The following SPAG16 variants were observed in gnomAD, a reference collection of about 807,000 sequenced individuals.
The protein encoded by SPAG16 is sperm-associated antigen 16 protein.
A neutral mutation model predicts 80.4 loss-of-function variants in SPAG16; 86 were observed. The ratio of observed to expected loss-of-function variants is 1.07; its 90% CI spans 0.90 to 1.28. SPAG16 has a LOEUF of 1.28. Among genes scored for constraint, SPAG16 ranks in the 50% most tolerant of loss-of-function variants. The pLI is 0.00. For missense variants in SPAG16, 870 were observed against 765.3 expected (o/e 1.14, Z -1.61); for synonymous variants, 294 against 265.9 (o/e 1.11, Z -1.03).
chr2:214,083,254 A>T (rs1237713477), intron 13 of SPAG16, among the ~76,000 whole-genome samples: 2 of 152,136 alleles, frequency 1.3e-5, no homozygotes, highest in African/African-American at 4.8e-5. Flanking sequence ...CCTCTCATAG[A>T]CACATCCCCA....
chr2:213,884,724 G>A (rs776559266), intron 11 of SPAG16, among the ~76,000 whole-genome samples: 1 of 152,052 alleles, frequency 6.6e-6, no homozygotes, highest in Non-Finnish European at 1.5e-5. Context: ...TTACTGTGTT[G>A]ATTTGAAAAA....
chr2:213,307,993 G>C (rs1259518261), intron 3 of SPAG16, among the ~76,000 whole-genome samples: 1 of 152,148 alleles, frequency 6.6e-6, no homozygotes, highest in Non-Finnish European at 1.5e-5. Context: ...ACCATTAACA[G>C]CTTGGGAAAG....
At chr2:214,385,825 C>G (rs910013624) in intron 15 of SPAG16, among the ~76,000 whole-genome samples, 1 of 152,114 alleles carries the variant, frequency 6.6e-6, no homozygotes, top group Non-Finnish European at 1.5e-5. Flanking sequence ...GCCTTGGTGA[C>G]AGAGCGAGAC....
intron 9 of SPAG16, among the ~76,000 whole-genome samples, chr2:213,426,385 G>A (rs1575561076): frequency 6.6e-6 from 1 of 151,750 alleles, no homozygotes; most frequent in Non-Finnish European, 1.5e-5. Flanking sequence ...TTTTCTTCTA[G>A]TACTTTTATA....
At chr2:213,472,262 G>A (rs1243096816) in intron 9 of SPAG16, among the ~76,000 whole-genome samples, 1 of 152,052 alleles carries the variant, frequency 6.6e-6, no homozygotes, top group Non-Finnish European at 1.5e-5. Context: ...GGAGAAAAAG[G>A]CATTTGCCAA....
At chr2:214,030,275 G>A (rs78121358) in intron 13 of SPAG16, among the ~76,000 whole-genome samples, 1,597 of 152,134 alleles carry the variant, frequency 0.01, 30 homozygotes, top group African/African-American at 0.036. Context: ...ATGTCTTCCA[G>A]GTTCACCCAT....
chr2:213,607,299 A>G, intron 10 of SPAG16, among the ~76,000 whole-genome samples: 1 of 152,314 alleles, frequency 6.6e-6, no homozygotes, highest in South Asian at 2.1e-4. Flanking sequence ...CAAATCAATA[A>G]TTTTTAGAAT....
chr2:214,270,498 C>G (rs1336635266), intron 15 of SPAG16, among the ~76,000 whole-genome samples: 1 of 152,076 alleles, frequency 6.6e-6, no homozygotes, highest in African/African-American at 2.4e-5. Flanking sequence ...ACATACTGTG[C>G]TTATCAAACT....
intron 15 of SPAG16, among the ~76,000 whole-genome samples, chr2:214,389,480 T>C (rs1173380393): frequency 6.6e-6 from 1 of 152,178 alleles, no homozygotes; most frequent in Non-Finnish European, 1.5e-5. Context: ...ACCTTTCTCT[T>C]AGGTGTTCTG....
chr2:213,670,723 G>A (rs1574733714), intron 10 of SPAG16, among the ~76,000 whole-genome samples: 1 of 152,078 alleles, frequency 6.6e-6, no homozygotes, highest in Non-Finnish European at 1.5e-5. Context: ...TTCACATTAT[G>A]CATGCAAATA....
intron 6 of SPAG16, among the ~76,000 whole-genome samples, chr2:213,341,522 C>T (rs143082867): frequency 1.1e-4 from 16 of 151,726 alleles, no homozygotes; most frequent in African/African-American, 2.4e-4. Flanking sequence ...TACAGTATTT[C>T]TTTGTTTGTT....
chr2:214,005,901 G>T (rs938186189), intron 12 of SPAG16, among the ~76,000 whole-genome samples: 2 of 152,120 alleles, frequency 1.3e-5, no homozygotes, highest in East Asian at 1.9e-4. Flanking sequence ...GTTATGAATT[G>T]CAGTCTAGGG....
chr2:213,931,470 T>C (rs138732824), intron 12 of SPAG16, among the ~76,000 whole-genome samples: 1 of 152,216 alleles, frequency 6.6e-6, no homozygotes. Flanking sequence ...AATATTTTTA[T>C]AATAGATTAA....
chr2:214,246,659 C>T lies in SPAG16; in HGVS notation c.1720+97393C>T, dbSNP rs76617905. Among the ~76,000 whole-genome samples the T allele has an allele frequency of 2.1e-4, 32 of 152,198 alleles. 2 individuals are homozygous for T. In the East Asian group the frequency reaches 6.2e-3, roughly 29 times the overall value. ...CAGCCACTCACCATTGCAGCTTCAG[C>T]TAATCTCTAACTGCAGCCACAGGAG... On this transcript the variant is annotated intron_variant, in intron 15 of 15. Transcript: ENST00000331683.
intron 10 of SPAG16, among the ~76,000 whole-genome samples, chr2:213,733,889 A>G (rs1338066351): frequency 6.6e-6 from 1 of 152,204 alleles, no homozygotes; most frequent in Admixed American, 6.5e-5. Context: ...CTCTTGGCAT[A>G]TTAGAGTTAA....
intron 14 of SPAG16, among the ~76,000 whole-genome samples, chr2:214,134,771 C>G (rs192338464): frequency 5.9e-5 from 9 of 152,088 alleles, no homozygotes; most frequent in African/African-American, 2.2e-4. Context: ...TTTAACGTAT[C>G]GATATTTATG....
At chr2:213,528,278 A>G (rs780725424) in intron 10 of SPAG16, among the ~76,000 whole-genome samples, 45 of 152,268 alleles carry the variant, frequency 3.0e-4, no homozygotes, top group African/African-American at 9.9e-4. Flanking sequence ...ATACTATTAT[A>G]ATACCTAGAA....
chr2:213,790,300 A>G (rs2125606069), intron 10 of SPAG16, among the ~76,000 whole-genome samples: 1 of 151,796 alleles, frequency 6.6e-6, no homozygotes, highest in South Asian at 2.1e-4. Flanking sequence ...TAAACTTTTA[A>G]CTCCTCATCT....
intron 9 of SPAG16, among the ~76,000 whole-genome samples, chr2:213,419,546 T>C (rs2125430153): frequency 6.6e-6 from 1 of 152,268 alleles, no homozygotes; most frequent in South Asian, 2.1e-4. Flanking sequence ...AATACATATA[T>C]GACATGAATG....
Sources: gnomAD v4.1 joint callset for allele counts (sites outside exome capture counted in the v4.1 genomes callset) on GRCh38, gnomAD v4.1.1 for gene constraint, MANE v1.5 for transcripts, NCBI Gene and HGNC (gene_info 2026-07-23, HGNC 2026-07-21) for gene names.